Variants in CNTN4 observed in about 807,000 individuals in gnomAD.
CNTN4 encodes the protein contactin 4, also known as contactin-4.
CNTN4 carries 77 observed loss-of-function variants against 122.5 expected under a neutral mutation model. The observed-to-expected ratio is 0.63, with a 90% confidence interval of 0.52 to 0.76. The LOEUF is 0.76. CNTN4 is among the 30% of genes least tolerant of loss of function. CNTN4 has a pLI of 0.00. For missense variants in CNTN4, 1,256 were observed against 1,259.1 expected, an observed-to-expected ratio of 1.00 and a Z score of 0.04; for synonymous variants, 512 against 447.0, an observed-to-expected ratio of 1.15 and a Z score of -1.83.
intron 15 of CNTN4, among the ~76,000 whole-genome samples, chr3:3,028,264 G>GA (rs1698894927): frequency 6.6e-6 from 1 of 152,174 alleles, no homozygotes; most frequent in African/African-American, 2.4e-5. Flanking sequence ...TGCGGTGGTG[G>GA]AAAATAAGCA....
chr3:2,235,289 T>C (rs1341882715), intron 2 of CNTN4, among the ~76,000 whole-genome samples: 1 of 152,176 alleles, frequency 6.6e-6, no homozygotes, highest in East Asian at 1.9e-4. Context: ...TATGATAACC[T>C]AAAAACTATT....
In CNTN4 at chr3:2,932,924, A is replaced by G. The variant is rs561764702; in HGVS notation, c.1358+7145A>G. 3.5e-4 allele frequency among the ~76,000 whole-genome samples: 53 copies of G among 152,072 alleles called. 2 individuals carry two copies. In the East Asian group the frequency reaches 4.5e-3, roughly 13 times the overall value. On this transcript the variant is annotated intron_variant, in intron 13 of 24. Coordinates refer to ENST00000418658, the MANE Select transcript of CNTN4 (RefSeq NM_175607.3). ...TGCGAGCTCCGCCTCCCGGGTTCAC[A>G]TCATTCTCTTGCCTCAGCCTCCCGA...
intron 2 of CNTN4, among the ~76,000 whole-genome samples, chr3:2,298,836 GT>G (rs2042403575): frequency 6.6e-6 from 1 of 152,192 alleles, no homozygotes; most frequent in Admixed American, 6.5e-5. Context: ...GGCCATGATA[GT>G]TTTTGTGAGG....
intron 3 of CNTN4, among the ~76,000 whole-genome samples, chr3:2,512,335 ACTT>A (rs1559622255): frequency 6.6e-6 from 1 of 152,122 alleles, no homozygotes; most frequent in Non-Finnish European, 1.5e-5. Flanking sequence ...TGAATGCACC[ACTT>A]CTTAAGAAGT....
chr3:2,374,224 T>G (rs1341921943), intron 3 of CNTN4, among the ~76,000 whole-genome samples: 1 of 152,166 alleles, frequency 6.6e-6, no homozygotes, highest in East Asian at 1.9e-4. Context: ...TTGGCTTGTG[T>G]GGAAAATACA....
At chr3:2,439,220 C>G (rs533683873) in intron 3 of CNTN4, among the ~76,000 whole-genome samples, 1 of 152,260 alleles carries the variant, frequency 6.6e-6, no homozygotes, top group East Asian at 1.9e-4. Context: ...CCAACAAATC[C>G]ACACCACCTG....
At chr3:2,129,836 CAGAT>C (rs1323485886) in intron 2 of CNTN4, among the ~76,000 whole-genome samples, 2 of 151,790 alleles carry the variant, frequency 1.3e-5, no homozygotes, top group African/African-American at 2.4e-5. Flanking sequence ...GTTATATTAA[CAGAT>C]AGATCCTTTC....
At chr3:2,210,974 C>T (rs2038590323) in intron 2 of CNTN4, among the ~76,000 whole-genome samples, 1 of 152,150 alleles carries the variant, frequency 6.6e-6, no homozygotes, top group African/African-American at 2.4e-5. Flanking sequence ...TCTTGAATCA[C>T]GCAGTGTGTA....
At chr3:2,621,573 C>T (rs1274021510) in intron 4 of CNTN4, among the ~76,000 whole-genome samples, 1 of 151,998 alleles carries the variant, frequency 6.6e-6, no homozygotes, top group Non-Finnish European at 1.5e-5. Flanking sequence ...GTGCAGCAAA[C>T]CACCATGGCA....
chr3:2,627,619 G>A (rs533954795), intron 4 of CNTN4, among the ~76,000 whole-genome samples: 17 of 149,280 alleles, frequency 1.1e-4, no homozygotes, highest in Non-Finnish European at 2.1e-4. Flanking sequence ...TCAGCCTCCC[G>A]AGTAGTTGGG....
chr3:2,453,367 C>T (rs1361908627), intron 3 of CNTN4, among the ~76,000 whole-genome samples: 1 of 152,018 alleles, frequency 6.6e-6, no homozygotes, highest in Non-Finnish European at 1.5e-5. Context: ...AACCCTAAAA[C>T]TCAAAAGACA....
intron 6 of CNTN4, among the ~76,000 whole-genome samples, chr3:2,804,720 C>A (rs62234191): frequency 2.0e-4 from 30 of 151,362 alleles, no homozygotes; most frequent in African/African-American, 7.3e-4. Context: ...CCCAACCACA[C>A]CCACATATTT....
chr3:2,310,607 C>A (rs985896036), intron 2 of CNTN4, among the ~76,000 whole-genome samples: 2 of 152,072 alleles, frequency 1.3e-5, no homozygotes, highest in African/African-American at 2.4e-5. Context: ...TAATGTTTGA[C>A]CTAAAACCTA....
chr3:2,430,511 C>T lies in CNTN4; in HGVS notation c.-89+91278C>T, dbSNP rs115265089. Among the ~76,000 whole-genome samples the T allele has an allele frequency of 2.2e-3, 323 of 149,664 alleles. 1 individual carries two copies. The highest frequency in any genetic ancestry group is 7.6e-3 in the African/African-American group (309 of 40,654). On this transcript the variant is annotated intron_variant, in intron 3 of 24. Transcript: ENST00000418658. ...GCTGTAGGCTGGAGCTGTTCCTAGT[C>T]GGCCATCTTAGAACCTCCCCTAGTT... is the stretch of plus-strand genomic sequence containing the variant.
intron 2 of CNTN4, among the ~76,000 whole-genome samples, chr3:2,327,973 G>A (rs2043530901): frequency 6.6e-6 from 1 of 152,212 alleles, no homozygotes; most frequent in African/African-American, 2.4e-5. Context: ...ATCTGGAGGA[G>A]TCCTGACTTA....
intron 2 of CNTN4, among the ~76,000 whole-genome samples, chr3:2,107,608 G>A (rs941560397): frequency 6.6e-6 from 1 of 152,106 alleles, no homozygotes; most frequent in African/African-American, 2.4e-5. Flanking sequence ...TAAGATTTGG[G>A]TGGGGACACA....
chr3:2,617,760 G>A (rs1327304173), intron 4 of CNTN4, among the ~76,000 whole-genome samples: 1 of 151,698 alleles, frequency 6.6e-6, no homozygotes, highest in African/African-American at 2.4e-5. Context: ...GTTCTCTCAT[G>A]GCTAATTCAA....
intron 12 of CNTN4, among the ~76,000 whole-genome samples, chr3:2,922,328 C>T (rs541941761): frequency 6.6e-6 from 1 of 152,306 alleles, no homozygotes; most frequent in South Asian, 2.1e-4. Flanking sequence ...ACTTTTCCTT[C>T]AAACCTCCCC....
intron 3 of CNTN4, among the ~76,000 whole-genome samples, chr3:2,463,492 G>A (rs1036724030): frequency 3.9e-5 from 6 of 152,174 alleles, no homozygotes; most frequent in Admixed American, 3.9e-4. Flanking sequence ...AGGTGCGGTG[G>A]CCCACGCCTG....
Sources: allele counts gnomAD v4.1 joint callset (sites outside exome capture counted in the v4.1 genomes callset), GRCh38; gene constraint gnomAD v4.1.1; transcripts MANE v1.5; gene names NCBI Gene and HGNC (gene_info 2026-07-23, HGNC 2026-07-21).